The following SLC24A2 variants were observed in gnomAD, a reference collection of about 807,000 sequenced individuals.
The protein encoded by SLC24A2 is solute carrier family 24 member 2, also known as sodium/potassium/calcium exchanger 2.
A neutral mutation model predicts 62.0 loss-of-function variants in SLC24A2; 36 were observed. The observed-to-expected ratio is 0.58, with a 90% CI of 0.44 to 0.77. The LOEUF is 0.77. Ranked by LOEUF, SLC24A2 falls within the 30% of genes least tolerant of loss-of-function variation. The pLI is 0.00. For missense variants in SLC24A2, 846 were observed against 817.9 expected, an observed-to-expected ratio of 1.03 and a Z score of -0.42; for synonymous variants, 358 against 294.0, an observed-to-expected ratio of 1.22 and a Z score of -2.23.
chr9:19,516,116 C>G lies in SLC24A2; in HGVS notation c.*37G>C. ...GCCCAGAGCCCAGAGTGTGGAGGGA[C>G]CATTCATGCTGCTGGTGCAAGATAT... On this transcript the variant is annotated 3_prime_UTR_variant, in exon 11 of 11. Coordinates refer to ENST00000341998, the MANE Select transcript of SLC24A2 (RefSeq NM_020344.4). 1 of 1,613,430 alleles carries G rather than the reference C, an allele frequency of 6.2e-7. No homozygotes were observed. The highest frequency in any genetic ancestry group is 8.5e-7 in the Non-Finnish European group (1 of 1,179,642).
the SLC24A2 span, among the ~76,000 whole-genome samples, chr9:20,104,535 G>T: frequency 6.6e-6 from 1 of 152,144 alleles, no homozygotes; most frequent in Non-Finnish European, 1.5e-5. Flanking sequence ...AGAGAGTGGG[G>T]GCCAATATTC....
chr9:20,189,934 G>A, the SLC24A2 span, among the ~76,000 whole-genome samples: 1 of 152,176 alleles, frequency 6.6e-6, no homozygotes, highest in Non-Finnish European at 1.5e-5. Flanking sequence ...TGCTGGGAGG[G>A]GAGGGGAGAT....
chr9:20,046,009 C>T, the SLC24A2 span, among the ~76,000 whole-genome samples: 1 of 152,148 alleles, frequency 6.6e-6, no homozygotes, highest in Non-Finnish European at 1.5e-5. Flanking sequence ...GTCTACTCAC[C>T]CCCAGGCTGG....
chr9:20,037,511 A>G, the SLC24A2 span, among the ~76,000 whole-genome samples: 1 of 152,238 alleles, frequency 6.6e-6, no homozygotes, highest in Non-Finnish European at 1.5e-5. Context: ...GTGTACAGAT[A>G]TCTCCTTCAC....
the SLC24A2 span, among the ~76,000 whole-genome samples, chr9:19,894,846 C>T: frequency 6.6e-6 from 1 of 152,060 alleles, no homozygotes; most frequent in Non-Finnish European, 1.5e-5. Context: ...GAGGAATGGC[C>T]TAAGAATGCT....
chr9:20,294,966 TATAAATAA>T, the SLC24A2 span, among the ~76,000 whole-genome samples: 1 of 151,600 alleles, frequency 6.6e-6, no homozygotes, highest in Non-Finnish European at 1.5e-5. Flanking sequence ...TTAGATCAGG[TATAAATAA>T]ATAAATAAAT....
At chr9:20,283,405 C>T in the SLC24A2 span, among the ~76,000 whole-genome samples, 1 of 152,146 alleles carries the variant, frequency 6.6e-6, no homozygotes, top group African/African-American at 2.4e-5. Flanking sequence ...GCTGGCAATT[C>T]GTATGGACTC....
At chr9:19,619,042 T>A (rs1817841284) in intron 4 of SLC24A2, among the ~76,000 whole-genome samples, 1 of 152,176 alleles carries the variant, frequency 6.6e-6, no homozygotes, top group Non-Finnish European at 1.5e-5. Context: ...TGACAGCTCC[T>A]AAGCAGTTCT....
At chr9:20,170,899 G>C in the SLC24A2 span, among the ~76,000 whole-genome samples, 1 of 151,982 alleles carries the variant, frequency 6.6e-6, no homozygotes, top group Admixed American at 6.6e-5. Flanking sequence ...AAAGGTTACT[G>C]CCTAGGCACA....
intron 2 of SLC24A2, among the ~76,000 whole-genome samples, chr9:19,746,546 A>G (rs1009510296): frequency 2.6e-5 from 4 of 152,182 alleles, no homozygotes; most frequent in African/African-American, 9.6e-5. Flanking sequence ...TGATACTTCT[A>G]TAATAGGAAA....
At chr9:19,967,591 T>C in the SLC24A2 span, 1 of 152,258 alleles carries the variant, frequency 6.6e-6, no homozygotes, top group Non-Finnish European at 1.5e-5. Flanking sequence ...CAGTTCTTTA[T>C]ATCAAGCCCT....
intron 4 of SLC24A2, among the ~76,000 whole-genome samples, chr9:19,616,395 G>A (rs147831009): frequency 2.0e-5 from 3 of 152,274 alleles, no homozygotes; most frequent in Admixed American, 6.5e-5. Flanking sequence ...GGAAAGATTA[G>A]GTGACTTGTC....
chr9:19,665,740 T>G (rs1173984355), intron 2 of SLC24A2, among the ~76,000 whole-genome samples: 1 of 152,102 alleles, frequency 6.6e-6, no homozygotes, highest in Non-Finnish European at 1.5e-5. Flanking sequence ...TCTGCCCACC[T>G]CAGCCCTCAA....
chr9:19,747,649 A>T (rs1821871815), intron 2 of SLC24A2, among the ~76,000 whole-genome samples: 1 of 152,214 alleles, frequency 6.6e-6, no homozygotes, highest in African/African-American at 2.4e-5. Context: ...CCTGGAAATT[A>T]ACTTTTACTA....
Position 19,516,462 on chromosome 9 carries a change from T to C in SLC24A2, c.1737-60A>G, listed in dbSNP as rs1301537680. 1.2e-5 allele frequency: 19 copies of C among 1,585,428 alleles called. No homozygotes were observed. The East Asian group carries it at 4.1e-4, about 34-fold the overall frequency. On this transcript the variant is annotated intron_variant, in intron 10 of 10. Transcript: ENST00000341998. ...GAAGACAAGGGAGTAGTCAGACACG[T>C]TGAAGAAGGCAAATATAACCTATTA...
chr9:19,705,818 T>C (rs564300167), intron 2 of SLC24A2, among the ~76,000 whole-genome samples: 2 of 152,178 alleles, frequency 1.3e-5, no homozygotes, highest in Admixed American at 1.3e-4. Context: ...TAATTTCTGT[T>C]CTTTTACATT....
intron 8 of SLC24A2, among the ~76,000 whole-genome samples, chr9:19,539,461 T>A (rs1344996918): frequency 1.3e-5 from 2 of 151,562 alleles, no homozygotes; most frequent in East Asian, 3.9e-4. Flanking sequence ...TTTCATTATG[T>A]ACCCAGTAGT....
the SLC24A2 span, among the ~76,000 whole-genome samples, chr9:19,853,980 A>G: frequency 6.6e-6 from 1 of 152,106 alleles, no homozygotes; most frequent in African/African-American, 2.4e-5. Context: ...CCTCAATTTC[A>G]GAACTCATTG....
chr9:19,571,808 G>A (rs1002236694), intron 7 of SLC24A2, among the ~76,000 whole-genome samples: 1 of 152,172 alleles, frequency 6.6e-6, no homozygotes, highest in Admixed American at 6.5e-5. Flanking sequence ...AATCTAACAA[G>A]CACCAAAGGT....
Sources: allele counts gnomAD v4.1 joint callset (sites outside exome capture counted in the v4.1 genomes callset), GRCh38; gene constraint gnomAD v4.1.1; transcripts MANE v1.5; gene names NCBI Gene and HGNC (gene_info 2026-07-23, HGNC 2026-07-21).